The following GABRB3 variants were observed in gnomAD, a reference collection of about 807,000 sequenced individuals.
The protein encoded by GABRB3 is gamma-aminobutyric acid receptor subunit beta-3.
GABRB3 carries 14 observed loss-of-function variants against 52.1 expected under a neutral mutation model. The ratio of observed to expected loss-of-function variants is 0.27; its 90% CI spans 0.18 to 0.42. The LOEUF is 0.42. Ranked by LOEUF, GABRB3 falls within the 10% of genes least tolerant of loss-of-function variation. The pLI, the probability that GABRB3 is intolerant of heterozygous loss-of-function variation, is 1.00. For synonymous variants in GABRB3, 260 were observed against 232.3 expected (o/e 1.12, Z -1.08); for missense variants, 307 against 609.1 (o/e 0.50, Z 5.22).
chr15:26,567,803 C>G (rs1890234139), intron 6 of GABRB3, 70 bp from the exon 7 acceptor site: 27 of 1,475,462 alleles, frequency 1.8e-5, no homozygotes, highest in South Asian at 2.3e-5. Flanking sequence ...GCTTTGACTT[C>G]CATAGGTCAA....
intron 3 of GABRB3, among the ~76,000 whole-genome samples, chr15:26,705,762 G>A (rs2140123640): frequency 6.6e-6 from 1 of 152,302 alleles, no homozygotes; most frequent in African/African-American, 2.4e-5. Context: ...ACATTTGGGG[G>A]TAGATGAATA....
chr15:26,689,664 T>TGC (rs996154391), intron 3 of GABRB3, among the ~76,000 whole-genome samples: 4 of 152,144 alleles, frequency 2.6e-5, no homozygotes, highest in African/African-American at 9.6e-5. Context: ...CCCCTCACTG[T>TGC]GCATCCATGT....
At chr15:26,715,209 C>T (rs530742891) in intron 3 of GABRB3, among the ~76,000 whole-genome samples, 79 of 152,150 alleles carry the variant, frequency 5.2e-4, no homozygotes, top group African/African-American at 1.8e-3. Context: ...AGCCTTGGAA[C>T]GAGGCAGGAA....
intron 4 of GABRB3, chr15:26,615,729 G>A (rs1892229610): frequency 9.1e-7 from 1 of 1,098,852 alleles, no homozygotes; most frequent in Non-Finnish European, 1.1e-6. Context: ...TAATGGCTGG[G>A]CATGAATAAC....
intron 3 of GABRB3, among the ~76,000 whole-genome samples, chr15:26,740,646 G>C (rs1378798692): frequency 2.0e-5 from 3 of 152,130 alleles, no homozygotes; most frequent in African/African-American, 7.2e-5. Context: ...CTCCACAGCT[G>C]AGGCTTGGCT....
chr15:26,721,072 C>G (rs1010103389), intron 3 of GABRB3, among the ~76,000 whole-genome samples: 2 of 152,116 alleles, frequency 1.3e-5, no homozygotes, highest in African/African-American at 4.8e-5. Context: ...GGGGTCCCCA[C>G]AAGCTCTCCC....
chr15:26,617,292 A>G (rs1267036969), intron 4 of GABRB3, among the ~76,000 whole-genome samples: 1 of 152,224 alleles, frequency 6.6e-6, no homozygotes, highest in African/African-American at 2.4e-5. Context: ...CGAATCCAGC[A>G]GCCCATCAAA....
intron 6 of GABRB3, among the ~76,000 whole-genome samples, chr15:26,572,057 A>G (rs1298429339): frequency 6.7e-6 from 1 of 149,036 alleles, no homozygotes; most frequent in Non-Finnish European, 1.5e-5. Context: ...GAAAAAAAAA[A>G]AAAAAAAAAA....
intron 2 of GABRB3, 90 bp from the exon 3 acceptor site, chr15:26,772,559 C>T: frequency 6.8e-7 from 1 of 1,466,132 alleles, no homozygotes; most frequent in Non-Finnish European, 9.2e-7. Flanking sequence ...AGGAGGGGCG[C>T]GGGCGAAGGG....
rs1188707014 is a variant in GABRB3, at chr15:26,773,066, T to A, written c.-104A>T. 1.9e-6 allele frequency: 2 copies of A among 1,028,936 alleles called. No homozygotes were observed. The highest frequency in any genetic ancestry group is 8.1e-5 in the East Asian group (1 of 12,314). The allele number at this position is 1,028,936 out of a possible 1,614,324, so 63.7% of individuals were successfully genotyped here. A position where few individuals can be genotyped will look rare whatever the true frequency, so the allele number is the denominator to read the frequency against. ...GCCGCCGCCGCCGCCGCCGCCGCGC[T>A]GGCCCGGAGCGGAGGAGGGCGGAGG... On this transcript the variant is annotated 5_prime_UTR_variant, in exon 1 of 9. Coordinates refer to ENST00000311550, the MANE Select transcript of GABRB3 (RefSeq NM_000814.6).
chr15:26,705,060 C>T (rs1889055910), intron 3 of GABRB3, among the ~76,000 whole-genome samples: 1 of 152,214 alleles, frequency 6.6e-6, no homozygotes, highest in Non-Finnish European at 1.5e-5. Flanking sequence ...CTGACTTACC[C>T]TATCAAGTCC....
At chr15:26,564,644 A>C (rs113875147) in intron 7 of GABRB3, among the ~76,000 whole-genome samples, 1,918 of 152,254 alleles carry the variant, frequency 0.013, 21 homozygotes, top group Middle Eastern at 0.031. Flanking sequence ...AAGCACTGTA[A>C]GCATTTCAAA....
intron 3 of GABRB3, among the ~76,000 whole-genome samples, chr15:26,726,682 G>A (rs1889781148): frequency 6.6e-6 from 1 of 152,124 alleles, no homozygotes; most frequent in South Asian, 2.1e-4. Flanking sequence ...CCTTCTTGGT[G>A]ATCATACAAG....
At chr15:26,724,119 A>T (rs1471736161) in intron 3 of GABRB3, among the ~76,000 whole-genome samples, 1 of 152,152 alleles carries the variant, frequency 6.6e-6, no homozygotes, top group Non-Finnish European at 1.5e-5. Context: ...ACTTATGCAG[A>T]GCTCTTCACC....
chr15:26,593,258 A>T (rs12437672), intron 4 of GABRB3, among the ~76,000 whole-genome samples: 42,374 of 152,120 alleles, frequency 0.28, 7,595 homozygotes, highest in East Asian at 0.83. Context: ...CCAAACAGCA[A>T]CCAAATTAGC....
At chr15:26,558,499 G>C (rs1889841529) in intron 8 of GABRB3, among the ~76,000 whole-genome samples, 1 of 152,208 alleles carries the variant, frequency 6.6e-6, no homozygotes, top group African/African-American at 2.4e-5. Context: ...ATGTGATATG[G>C]TTTGGATCTG....
chr15:26,664,704 G>GTTTTTTTTTTTT (rs1162139952), intron 3 of GABRB3, among the ~76,000 whole-genome samples: 2 of 95,224 alleles, frequency 2.1e-5, no homozygotes, highest in Non-Finnish European at 3.8e-5. Flanking sequence ...TCTTTTCTTT[G>GTTTTTTTTTTTT]TTTTTTTTTT....
intron 4 of GABRB3, among the ~76,000 whole-genome samples, chr15:26,620,306 C>A (rs1005691646): frequency 7.9e-5 from 12 of 152,196 alleles, no homozygotes; most frequent in African/African-American, 2.9e-4. Context: ...GAAAGTCACT[C>A]ACATGTTCTA....
intron 3 of GABRB3, among the ~76,000 whole-genome samples, chr15:26,727,409 G>T (rs1889802828): frequency 1.3e-5 from 2 of 152,238 alleles, no homozygotes; most frequent in Non-Finnish European, 2.9e-5. Flanking sequence ...AGTACAAAAT[G>T]ATGTCATTAT....
Sources: gnomAD v4.1 joint callset for allele counts (sites outside exome capture counted in the v4.1 genomes callset) on GRCh38, gnomAD v4.1.1 for gene constraint, MANE v1.5 for transcripts, NCBI Gene and HGNC (gene_info 2026-07-23, HGNC 2026-07-21) for gene names.